The following TMED7 variants were observed in gnomAD, a reference collection of about 807,000 sequenced individuals.
TMED7 encodes the protein transmembrane p24 trafficking protein 7, also known as transmembrane emp24 domain-containing protein 7.
TMED7 carries 8 observed loss-of-function variants against 23.4 expected under a neutral mutation model. The ratio of observed to expected loss-of-function variants is 0.34; its 90% confidence interval spans 0.20 to 0.62. The LOEUF (loss-of-function observed/expected upper bound fraction) is 0.62. Among genes scored for constraint, TMED7 ranks in the 20% least tolerant of loss-of-function variants. The pLI, the probability that TMED7 is intolerant of heterozygous loss-of-function variation, is 0.77. For synonymous variants in TMED7, 121 were observed against 108.5 expected (o/e 1.12, Z -0.72); for missense variants, 232 against 279.1 (o/e 0.83, Z 1.20).
At chr5:115,617,067 T>C (rs967511036) in intron 2 of TMED7, among the ~76,000 whole-genome samples, 2 of 152,258 alleles carry the variant, frequency 1.3e-5, no homozygotes, top group Non-Finnish European at 2.9e-5. Context: ...CCAATATGTA[T>C]GTTCCCAACA....
At chr5:115,624,574 C>T (rs1242555156) in intron 1 of TMED7, among the ~76,000 whole-genome samples, 1 of 152,198 alleles carries the variant, frequency 6.6e-6, no homozygotes, top group African/African-American at 2.4e-5. Context: ...GCTTCCTACA[C>T]TTTCAGGAAA....
At chr5:115,622,043 T>C (rs779616665) in intron 1 of TMED7, among the ~76,000 whole-genome samples, 1 of 152,206 alleles carries the variant, frequency 6.6e-6, no homozygotes, top group Non-Finnish European at 1.5e-5. Context: ...AATGTTTTGA[T>C]ATAAAAGTGT....
chr5:115,622,934 A>G (rs1277205584), intron 1 of TMED7, among the ~76,000 whole-genome samples: 1 of 152,240 alleles, frequency 6.6e-6, no homozygotes, highest in East Asian at 1.9e-4. Context: ...ACACGGATCA[A>G]AATGACAGTG....
intron 2 of TMED7, chr5:115,619,185 T>A (rs972924800): frequency 9.9e-5 from 15 of 152,196 alleles, no homozygotes; most frequent in African/African-American, 3.6e-4. Flanking sequence ...CATGAAGGAA[T>A]GGATACAGGT....
chr5:115,616,378 C>T lies in TMED7; in HGVS notation c.506G>A (p.Arg169His). Residue 169 changes from arginine (R) to histidine (H), a missense_variant, in exon 3 of 3, where the codon CGT becomes CAT. Around this residue, in one of 2 missense-constraint regions of TMED7, gnomAD observed 126 missense variants for 182.1 expected, o/e 0.69. Transcript: ENST00000456936. ...GCTTCGGCCTTGAGCTTCTCTTAAA[C>T]GGAAATGAGTCTGATAATCGATGAC... Reference protein sequence around the residue: ...KSVIDYQTHFRLREAQGRSRA... With the variant: ...KSVIDYQTHFHLREAQGRSRA... 1 of 1,614,160 alleles carries T rather than the reference C, an allele frequency of 6.2e-7. No individual in the cohort carries two copies. The highest frequency in any genetic ancestry group is 8.5e-7 in the Non-Finnish European group (1 of 1,180,016).
Position 115,625,689 on chromosome 5 carries a change from G to A in TMED7, c.104C>T (p.Ser35Phe). 6.2e-7 allele frequency: 1 copy of A among 1,603,120 alleles called. No individual in the cohort carries two copies. Among genetic ancestry groups the A allele is most frequent in the Non-Finnish European group, 8.5e-7 (1 of 1,175,690 alleles). ...LLLVPGPGGASEITFELPDNA... is the reference protein window; with the variant it reads ...LLLVPGPGGAFEITFELPDNA... ...GTCAGGAAGCTCGAAGGTGATCTCA[G>A]AGGCGCCGCCGGGTCCAGGCACCAG... is the stretch of plus-strand genomic sequence containing the variant. The change falls in exon 1 of 3, where the codon TCT becomes TTT. Residue 35 changes from serine to phenylalanine, a missense_variant. Ser to Phe is a radical substitution (Grantham distance 155). Coordinates refer to ENST00000456936, the MANE Select transcript of TMED7 (RefSeq NM_181836.6).
At chr5:115,623,221 T>C (rs976129798) in intron 1 of TMED7, among the ~76,000 whole-genome samples, 2 of 152,222 alleles carry the variant, frequency 1.3e-5, no homozygotes, top group African/African-American at 4.8e-5. Context: ...TGGCCAGACA[T>C]ATACTCTCTC....
At chr5:115,623,570 CTAT>C in intron 1 of TMED7, among the ~76,000 whole-genome samples, 1 of 152,114 alleles carries the variant, frequency 6.6e-6, no homozygotes. Flanking sequence ...AGTCACAAAA[CTAT>C]TATTATTCAG....
chr5:115,622,523 T>G (rs955049330), intron 1 of TMED7, among the ~76,000 whole-genome samples: 1 of 152,166 alleles, frequency 6.6e-6, no homozygotes, highest in Admixed American at 6.5e-5. Flanking sequence ...AACTGAATAA[T>G]TCTGTGTTGT....
In TMED7 at chr5:115,615,346, T is replaced by G. The variant is rs1056825479; in HGVS notation, c.*863A>C. The G allele has an allele frequency of 1.3e-5, 2 of 152,614 alleles. No individual in the cohort carries two copies. Among genetic ancestry groups the G allele is most frequent in the Admixed American group, 6.5e-5 (1 of 15,280 alleles). The allele number at this position is 152,614 out of a possible 1,614,324, so 9.5% of individuals were successfully genotyped here. ...TAAGCTGGGAATGACTCACAGACAT[T>G]AAAGTCATATAAGGGCAAGAGCTAG... On this transcript the variant is annotated 3_prime_UTR_variant, in exon 3 of 3. Transcript: ENST00000456936.
In TMED7 at chr5:115,625,935, G is replaced by A. The variant is rs754199592; in HGVS notation, c.-143C>T. Reference sequence around the variant, plus strand: ...AGGTTCACGCCTGTGGGAGATTCGGGATCAGAGCGACCCTCCGGCTTCCTG... The same window carrying A: ...AGGTTCACGCCTGTGGGAGATTCGGAATCAGAGCGACCCTCCGGCTTCCTG... On this transcript the variant is annotated 5_prime_UTR_variant, in exon 1 of 3. Transcript: ENST00000456936. 7.5e-5 allele frequency: 88 copies of A among 1,169,768 alleles called. No individual in the cohort carries two copies. Among genetic ancestry groups the A allele is most frequent in the Non-Finnish European group, 9.2e-5 (85 of 920,084 alleles). The allele number at this position is 1,169,768 out of a possible 1,614,324, so 72.5% of individuals were successfully genotyped here. A position where few individuals can be genotyped will look rare whatever the true frequency, so the allele number is the denominator to read the frequency against.
chr5:115,620,067 G>C (rs182240976), intron 2 of TMED7: 1 of 162,658 alleles, frequency 6.1e-6, no homozygotes, highest in East Asian at 1.7e-4. Context: ...TTTGCTTCCA[G>C]TTACACCAGC....
intron 2 of TMED7, chr5:115,620,149 C>G (rs1199819795): frequency 4.0e-6 from 1 of 247,534 alleles, no homozygotes; most frequent in Non-Finnish European, 7.3e-6. Flanking sequence ...CACTGCTCAG[C>G]CTTCCCAACC....
At chr5:115,616,738 G>T (rs545772179) in intron 2 of TMED7, among the ~76,000 whole-genome samples, 39 of 152,328 alleles carry the variant, frequency 2.6e-4, no homozygotes, top group African/African-American at 9.1e-4. Flanking sequence ...AACAATAGCA[G>T]AAATACTTAT....
At chr5:115,619,738 GTCA>G (rs749687046) in intron 2 of TMED7, among the ~76,000 whole-genome samples, 23 of 152,196 alleles carry the variant, frequency 1.5e-4, no homozygotes, top group Non-Finnish European at 3.1e-4. Context: ...TTCCACTTGT[GTCA>G]TCAGGTTGGA....
intron 1 of TMED7, among the ~76,000 whole-genome samples, chr5:115,623,645 G>C (rs1757109540): frequency 6.6e-6 from 1 of 152,170 alleles, no homozygotes; most frequent in Non-Finnish European, 1.5e-5. Flanking sequence ...CAGGCCTGCT[G>C]GAACTGTCAT....
chr5:115,614,232 C>T lies in TMED7; in HGVS notation c.*1977G>A, dbSNP rs566178380. 1 of 152,120 alleles carries T rather than the reference C, an allele frequency of 6.6e-6. No individual in the cohort carries two copies. Among genetic ancestry groups the T allele is most frequent in the Admixed American group, 6.5e-5 (1 of 15,282 alleles). 9.4% of individuals were successfully genotyped at this position (152,120 alleles called of 1,614,324 possible). Reference sequence around the variant, plus strand: ...CAACACTATTTTCTATAACAGGTAACAGTAGTGATTTCAAAAATTTTAATA... The same window carrying T: ...CAACACTATTTTCTATAACAGGTAATAGTAGTGATTTCAAAAATTTTAATA... On this transcript the variant is annotated 3_prime_UTR_variant, in exon 3 of 3. Transcript: ENST00000456936.
intron 1 of TMED7, among the ~76,000 whole-genome samples, chr5:115,623,788 A>G (rs1308945764): frequency 6.6e-6 from 1 of 152,194 alleles, no homozygotes; most frequent in Non-Finnish European, 1.5e-5. Flanking sequence ...GTCTCCTGCC[A>G]GCACTATACC....
chr5:115,620,167 A>G (rs1462514731), intron 2 of TMED7: 2 of 293,048 alleles, frequency 6.8e-6, no homozygotes, highest in African/African-American at 2.2e-5. Context: ...ACCTTCTTTT[A>G]CCACTGATGT....
Sources: gnomAD v4.1 joint callset for allele counts (sites outside exome capture counted in the v4.1 genomes callset) on GRCh38, gnomAD v4.1.1 for gene constraint, gnomAD v4.1.1 regional missense constraint, MANE v1.5 for transcripts, NCBI Gene and HGNC (gene_info 2026-07-23, HGNC 2026-07-21) for gene names.